The following PPIP5K2 variants were observed in gnomAD, a reference collection of about 807,000 sequenced individuals.
PPIP5K2 encodes the protein diphosphoinositol pentakisphosphate kinase 2, also known as inositol hexakisphosphate and diphosphoinositol-pentakisphosphate kinase 2.
In PPIP5K2, 105 loss-of-function variants were observed where a neutral mutation model predicts 154.6. The observed-to-expected ratio is 0.68, with a 90% CI of 0.58 to 0.80. The LOEUF (loss-of-function observed/expected upper bound fraction) is 0.80. Ranked by LOEUF, PPIP5K2 falls within the 30% of genes least tolerant of loss-of-function variation. The pLI is 0.00. For missense variants in PPIP5K2, 992 were observed against 1,504.6 expected, an observed-to-expected ratio of 0.66 and a Z score of 5.64; for synonymous variants, 480 against 490.3, an observed-to-expected ratio of 0.98 and a Z score of 0.28.
rs782226791 is a variant in PPIP5K2, at chr5:103,153,954, A to C, written c.1217+20A>C. 2 of 1,513,356 alleles carry C rather than the reference A, an allele frequency of 1.3e-6. No individual in the cohort carries two copies. Among genetic ancestry groups the C allele is most frequent in the Non-Finnish European group, 1.8e-6 (2 of 1,101,810 alleles). The allele number at this position is 1,513,356 out of a possible 1,614,324, so 93.7% of individuals were successfully genotyped here. A position where few individuals can be genotyped will look rare whatever the true frequency, so the allele number is the denominator to read the frequency against. The stretch of plus-strand genomic sequence containing the variant: ...TCAGAAGTATGTTTTCAGATGAATA[A>C]TTTAACATGCATGATACAATTTTAA... On this transcript the variant is annotated intron_variant, in intron 11 of 30. Transcript: ENST00000358359.
At chr5:103,180,988 T>C (rs1438972686) in intron 24 of PPIP5K2, among the ~76,000 whole-genome samples, 1 of 152,102 alleles carries the variant, frequency 6.6e-6, no homozygotes, top group East Asian at 1.9e-4. Flanking sequence ...GAATGTTTGA[T>C]AATATAATAA....
At chr5:103,183,777 G>A (rs1418273854) in intron 25 of PPIP5K2, among the ~76,000 whole-genome samples, 9 of 152,054 alleles carry the variant, frequency 5.9e-5, no homozygotes, top group Non-Finnish European at 8.8e-5. Context: ...GTAAGAAAAT[G>A]TATTAATATT....
chr5:103,149,107 C>A, intron 7 of PPIP5K2, 45 bp from the exon 8 acceptor site: 1 of 1,418,648 alleles, frequency 7.0e-7, no homozygotes, highest in Non-Finnish European at 9.6e-7. Context: ...CACACACACA[C>A]ACATACATAT....
At chr5:103,140,187 G>A (rs1206694245) in intron 5 of PPIP5K2, among the ~76,000 whole-genome samples, 2 of 151,192 alleles carry the variant, frequency 1.3e-5, no homozygotes, top group African/African-American at 2.4e-5. Context: ...AGCCTCAAAG[G>A]GACAAATCCA....
At chr5:103,198,172 T>G (rs1554229177) in intron 30 of PPIP5K2, among the ~76,000 whole-genome samples, 1 of 152,166 alleles carries the variant, frequency 6.6e-6, no homozygotes, top group Non-Finnish European at 1.5e-5. Flanking sequence ...TTGGTTAAAT[T>G]CCAAATATTC....
intron 30 of PPIP5K2, among the ~76,000 whole-genome samples, chr5:103,197,524 CT>C (rs1353033383): frequency 1.4e-5 from 2 of 147,306 alleles, no homozygotes; most frequent in African/African-American, 5.0e-5. Context: ...AAAGAACCAA[CT>C]TTTGGCTCTT....
At chr5:103,186,736 GTTTC>G (rs1400765796) in intron 27 of PPIP5K2, among the ~76,000 whole-genome samples, 6 of 152,142 alleles carry the variant, frequency 3.9e-5, no homozygotes, top group African/African-American at 1.4e-4. Flanking sequence ...AAGAGCAAGC[GTTTC>G]TTTGATCTTT....
chr5:103,138,991 C>T (rs1358553240), intron 5 of PPIP5K2, among the ~76,000 whole-genome samples: 1 of 152,188 alleles, frequency 6.6e-6, no homozygotes, highest in Non-Finnish European at 1.5e-5. Context: ...ATGGATTCTG[C>T]AGAGCCAACT....
chr5:103,167,990 AG>A (rs1357995047), intron 18 of PPIP5K2, 81 bp from the exon 19 acceptor site: 25 of 880,960 alleles, frequency 2.8e-5, no homozygotes, highest in Non-Finnish European at 4.3e-5. Flanking sequence ...CACTTTAAAA[AG>A]TTTCTAATTA....
Position 103,177,864 on chromosome 5 carries a change from G to C in PPIP5K2, c.2638G>C (p.Asp880His). The C allele has an allele frequency of 6.2e-7, 1 of 1,610,882 alleles. No homozygotes were observed. The highest frequency in any genetic ancestry group is 8.5e-7 in the Non-Finnish European group (1 of 1,177,548). ...GAAAATGTTCTGTCATATTTCTTAG[G>C]ATCTTTCCTCAGAAGAACGCTTTCA... ...VIMLYEDPNK[D>H]LSSEERFHVE... Residue 880 changes from aspartate (D) to histidine (H), a missense_variant and splice_region_variant, in exon 23 of 31, where the codon GAT becomes CAT. This residue lies in a region of PPIP5K2 where 157 missense variants were observed against 281.2 expected (regional missense o/e 0.56). Coordinates refer to ENST00000358359, the MANE Select transcript of PPIP5K2 (RefSeq NM_001276277.3).
At chr5:103,176,526 CGCTGAATTTTAAAAA>C (rs1453929729) in intron 21 of PPIP5K2, among the ~76,000 whole-genome samples, 3 of 151,888 alleles carry the variant, frequency 2.0e-5, no homozygotes, top group African/African-American at 7.2e-5. Context: ...ATAAAATACA[CGCTGAATTTTAAAAA>C]GCATACAGTC....
At chr5:103,174,167 C>T (rs1580345473) in intron 21 of PPIP5K2, 195 bp downstream of exon 21, 1 of 443,734 alleles carries the variant, frequency 2.3e-6, no homozygotes, top group Non-Finnish European at 4.0e-6. Context: ...AGAGAAGATA[C>T]ATTTAAGCAA....
At chr5:103,156,110 A>T (rs565734281) in intron 14 of PPIP5K2, 116 bp downstream of exon 14, 1 of 633,656 alleles carries the variant, frequency 1.6e-6, no homozygotes, top group East Asian at 2.9e-5. Flanking sequence ...TGGTGAGGAA[A>T]AATAAAGTGG....
intron 29 of PPIP5K2, among the ~76,000 whole-genome samples, chr5:103,193,468 A>G (rs1385677388): frequency 6.6e-6 from 1 of 151,992 alleles, no homozygotes; most frequent in Non-Finnish European, 1.5e-5. Flanking sequence ...AATAAATATT[A>G]ATACTAAAAG....
In PPIP5K2 at chr5:103,184,720, G is replaced by T. The variant is rs140891481; in HGVS notation, c.3145G>T (p.Glu1049Ter). Reference protein sequence around the residue: ...NYLRTPRTLVEQKQNPTVGSH... With the variant: ...NYLRTPRTLV Reference sequence around the variant, plus strand: ...CCTGAGAACACCAAGAACTCTTGTGGAACAGAAGCAGAATCCTACTGTAGG... The same window carrying T: ...CCTGAGAACACCAAGAACTCTTGTGTAACAGAAGCAGAATCCTACTGTAGG... The change falls in exon 26 of 31, where the codon GAA becomes TAA. Residue 1049 changes from glutamate to a stop codon, truncating the protein, a stop_gained. Coordinates refer to ENST00000358359, the MANE Select transcript of PPIP5K2 (RefSeq NM_001276277.3). LOFTEE classifies it high-confidence loss of function. 1 of 1,612,502 alleles carries T rather than the reference G, an allele frequency of 6.2e-7. No individual in the cohort carries two copies. Among genetic ancestry groups the T allele is most frequent in the Non-Finnish European group, 8.5e-7 (1 of 1,178,926 alleles).
At chr5:103,200,127 T>C (rs149222936) in intron 30 of PPIP5K2, among the ~76,000 whole-genome samples, 389 of 152,342 alleles carry the variant, frequency 2.6e-3, no homozygotes, top group Non-Finnish European at 4.3e-3. Context: ...GCTCAGATTG[T>C]AAAATATGGT....
chr5:103,179,951 T>C (rs1799257503), intron 23 of PPIP5K2, 70 bp from the exon 24 acceptor site: 1 of 1,299,198 alleles, frequency 7.7e-7, no homozygotes, highest in Non-Finnish European at 1.0e-6. Flanking sequence ...CCAGTGGTAG[T>C]TGAATCTGTT....
intron 29 of PPIP5K2, among the ~76,000 whole-genome samples, chr5:103,192,990 A>C (rs1801478450): frequency 6.6e-6 from 1 of 152,094 alleles, no homozygotes; most frequent in African/African-American, 2.4e-5. Flanking sequence ...TTCCATGAGG[A>C]AGAGAAAGAT....
At chr5:103,172,831 A>G (rs567797451) in intron 19 of PPIP5K2, among the ~76,000 whole-genome samples, 22 of 151,772 alleles carry the variant, frequency 1.4e-4, no homozygotes, top group Non-Finnish European at 2.8e-4. Flanking sequence ...TGTGGCCTTA[A>G]TCCACCTTTC....
Sources: allele counts gnomAD v4.1 joint callset (sites outside exome capture counted in the v4.1 genomes callset), GRCh38; gene constraint gnomAD v4.1.1; regional missense constraint gnomAD v4.1.1; transcripts MANE v1.5; gene names NCBI Gene and HGNC (gene_info 2026-07-23, HGNC 2026-07-21).